The following DAG1 variants were observed in gnomAD, a reference collection of about 807,000 sequenced individuals.
The protein encoded by DAG1 is dystroglycan 1 (dystrophin-associated glycoprotein 1).
In DAG1, 8 loss-of-function variants were observed where a neutral mutation model predicts 46.1. The ratio of observed to expected loss-of-function variants is 0.17; its 90% CI spans 0.10 to 0.31. DAG1 has a LOEUF of 0.31. DAG1 is among the 10% of genes least tolerant of loss of function. The pLI, the probability that DAG1 is intolerant of heterozygous loss-of-function variation, is 1.00. For missense variants in DAG1, 1,003 were observed against 1,189.9 expected (o/e 0.84, Z 2.31); for synonymous variants, 495 against 481.8 (o/e 1.03, Z -0.36).
intron 2 of DAG1, among the ~76,000 whole-genome samples, chr3:49,526,456 C>T (rs892122579): frequency 6.6e-6 from 1 of 152,222 alleles, no homozygotes; most frequent in African/African-American, 2.4e-5. Flanking sequence ...CAACTGTAAT[C>T]CCAGCACTTT....
In DAG1 at chr3:49,535,115, G is replaced by A. The variant is rs1033913491; in HGVS notation, c.*1916G>A. 10 of 152,220 alleles carry A rather than the reference G, an allele frequency of 6.6e-5. No homozygotes were observed. Among genetic ancestry groups the A allele is most frequent in the African/African-American group, 9.7e-5 (4 of 41,442 alleles). The allele number at this position is 152,220 out of a possible 1,614,324, so 9.4% of individuals were successfully genotyped here. A position where few individuals can be genotyped will look rare whatever the true frequency, so the allele number is the denominator to read the frequency against. ...CCCCTGTGGGGGAGCCTGTAAATGC[G>A]GGCTCAGTGGACCACTGGTGACTGG... On this transcript the variant is annotated 3_prime_UTR_variant, in exon 3 of 3. Coordinates refer to ENST00000308775, the MANE Select transcript of DAG1 (RefSeq NM_004393.6).
At chr3:49,506,259 T>C (rs2050604899) in intron 1 of DAG1, among the ~76,000 whole-genome samples, 1 of 152,248 alleles carries the variant, frequency 6.6e-6, no homozygotes, top group African/African-American at 2.4e-5. Context: ...ATTACAGGCG[T>C]GGGCCACTGC....
At chr3:49,502,033 G>C (rs1232983829) in intron 1 of DAG1, among the ~76,000 whole-genome samples, 1 of 152,156 alleles carries the variant, frequency 6.6e-6, no homozygotes, top group Admixed American at 6.6e-5. Flanking sequence ...AATTAGCCTG[G>C]TGTGGTGGCG....
At chr3:49,524,636 G>A (rs1243904120) in intron 2 of DAG1, among the ~76,000 whole-genome samples, 3 of 151,806 alleles carry the variant, frequency 2.0e-5, no homozygotes, top group African/African-American at 7.3e-5. Flanking sequence ...AGCTGTGATT[G>A]CACCACTGCA....
chr3:49,510,377 T>C, intron 1 of DAG1, 42 bp from the exon 2 acceptor site: 1 of 722,604 alleles, frequency 1.4e-6, no homozygotes, highest in South Asian at 1.6e-5. Flanking sequence ...ACTGAACCAC[T>C]GGAATTGCTC....
chr3:49,510,374 C>T, intron 1 of DAG1, 45 bp from the exon 2 acceptor site: 1 of 708,884 alleles, frequency 1.4e-6, no homozygotes, highest in Non-Finnish European at 2.5e-6. Flanking sequence ...GTGACTGAAC[C>T]ACTGGAATTG....
intron 1 of DAG1, among the ~76,000 whole-genome samples, chr3:49,483,200 C>CTTTTTT (rs759272369): frequency 7.3e-6 from 1 of 136,788 alleles, no homozygotes; most frequent in African/African-American, 2.7e-5. Flanking sequence ...GGTAGGTCAT[C>CTTTTTT]TTTTTTTTTT....
At chr3:49,477,248 C>G (rs567897938) in intron 1 of DAG1, among the ~76,000 whole-genome samples, 1 of 152,206 alleles carries the variant, frequency 6.6e-6, no homozygotes, top group South Asian at 2.1e-4. Context: ...CTGCCCGCCT[C>G]GGCCTCCCAA....
At chr3:49,491,406 G>A (rs527397862) in intron 1 of DAG1, among the ~76,000 whole-genome samples, 1 of 151,816 alleles carries the variant, frequency 6.6e-6, no homozygotes, top group Admixed American at 6.6e-5. Context: ...CTGCCTCCTG[G>A]GTCAAGCAGT....
rs537297425 is a variant in DAG1 at position 49,532,792 on chromosome 3, G to T, written c.2281G>T (p.Ala761Ser). ...CACAGTCATTCCGGCCGTGGTGGTC[G>T]CAGCCATCCTGCTCATTGCTGGCAT... ...LHTVIPAVVVAAILLIAGIIA... is the reference protein window; with the variant it reads ...LHTVIPAVVVSAILLIAGIIA... The change falls in exon 3 of 3, where the codon GCA becomes TCA. Residue 761 changes from alanine (A) to serine (S), a missense_variant. Around this residue, in one of 3 missense-constraint regions of DAG1, gnomAD observed 755 missense variants for 854.1 expected, o/e 0.88. Coordinates refer to ENST00000308775, the MANE Select transcript of DAG1 (RefSeq NM_004393.6). This position sits in a 1 kb window ranked among gnomAD's most constrained non-coding sequence, Gnocchi z 5.4. 1.2e-6 allele frequency: 2 copies of T among 1,613,926 alleles called. No homozygotes were observed. The highest frequency in any genetic ancestry group is 1.7e-6 in the Non-Finnish European group (2 of 1,180,034).
At chr3:49,527,427 C>T (rs1429280564) in intron 2 of DAG1, among the ~76,000 whole-genome samples, 1 of 151,518 alleles carries the variant, frequency 6.6e-6, no homozygotes, top group Non-Finnish European at 1.5e-5. Flanking sequence ...GAGAATGAGG[C>T]AGGAGAATGG....
At chr3:49,523,965 G>A (rs2051104168) in intron 2 of DAG1, among the ~76,000 whole-genome samples, 1 of 152,212 alleles carries the variant, frequency 6.6e-6, no homozygotes, top group Non-Finnish European at 1.5e-5. Flanking sequence ...TTATGGGGAT[G>A]AGTCCTGGCT....
chr3:49,492,328 C>CT (rs2107351974), intron 1 of DAG1, among the ~76,000 whole-genome samples: 1 of 152,166 alleles, frequency 6.6e-6, no homozygotes, highest in African/African-American at 2.4e-5. Flanking sequence ...AAAATAAGAC[C>CT]TTTAAGTAGT....
chr3:49,530,437 A>G (rs1470317336), intron 2 of DAG1, among the ~76,000 whole-genome samples: 3 of 152,160 alleles, frequency 2.0e-5, no homozygotes, highest in Non-Finnish European at 4.4e-5. Flanking sequence ...TTGATTCTTC[A>G]GGTAGAATGG....
intron 1 of DAG1, among the ~76,000 whole-genome samples, chr3:49,497,920 C>T (rs2050357218): frequency 6.6e-6 from 1 of 152,122 alleles, no homozygotes; most frequent in African/African-American, 2.4e-5. Context: ...GGTTTTAAAC[C>T]TTTGCTTCTG....
intron 1 of DAG1, among the ~76,000 whole-genome samples, chr3:49,483,621 T>C (rs1190913979): frequency 6.6e-6 from 1 of 152,158 alleles, no homozygotes; most frequent in Non-Finnish European, 1.5e-5. Flanking sequence ...ATTCTAAGTC[T>C]TGGAGAAAAT....
intron 1 of DAG1, among the ~76,000 whole-genome samples, chr3:49,485,357 CCTTTGTTGTGTCTGGCCTTTAT>C (rs2049997350): frequency 6.6e-6 from 1 of 152,040 alleles, no homozygotes; most frequent in African/African-American, 2.4e-5. Flanking sequence ...AGACAAAAGG[CCTTTGTTGTGTCTGGCCTTTAT>C]CTTTGTTGTA....
chr3:49,475,701 CTT>C (rs398038718), intron 1 of DAG1, among the ~76,000 whole-genome samples: 15 of 136,190 alleles, frequency 1.1e-4, no homozygotes, highest in African/African-American at 1.6e-4. Context: ...TTTTCTTTTT[CTT>C]TTTTTTTTTT....
chr3:49,507,896 G>C (rs1204764588), intron 1 of DAG1, among the ~76,000 whole-genome samples: 1 of 151,866 alleles, frequency 6.6e-6, no homozygotes, highest in African/African-American at 2.4e-5. Context: ...GTAGTAGTTT[G>C]TATTTTTTGA....
Sources: allele counts gnomAD v4.1 joint callset (sites outside exome capture counted in the v4.1 genomes callset), GRCh38; gene constraint gnomAD v4.1.1; regional missense constraint gnomAD v4.1.1; non-coding constraint Gnocchi (gnomAD v3.1); transcripts MANE v1.5; gene names NCBI Gene and HGNC (gene_info 2026-07-23, HGNC 2026-07-21).